PLXNA4: variants seen among roughly 807,000 people sequenced by gnomAD.
The protein encoded by PLXNA4 is plexin-A4.
In PLXNA4, 44 loss-of-function variants were observed where a neutral mutation model predicts 191.8. The observed-to-expected ratio is 0.23, with a 90% CI of 0.18 to 0.29. The LOEUF (loss-of-function observed/expected upper bound fraction) is 0.29. PLXNA4 is among the 10% of genes least tolerant of loss of function. The pLI, the probability that PLXNA4 is intolerant of heterozygous loss-of-function variation, is 1.00. For synonymous variants in PLXNA4, 1,082 were observed against 1,009.5 expected (o/e 1.07, Z -1.36); for missense variants, 1,800 against 2,488.8 (o/e 0.72, Z 5.89).
chr7:132,226,717 G>T (rs548457743), intron 7 of PLXNA4, among the ~76,000 whole-genome samples: 112 of 152,260 alleles, frequency 7.4e-4, no homozygotes, highest in Non-Finnish European at 4.9e-4. Flanking sequence ...CACTTCCTCT[G>T]GGGGGCTCAG....
intron 3 of PLXNA4, among the ~76,000 whole-genome samples, chr7:132,458,867 T>TC (rs2117345291): frequency 6.6e-6 from 1 of 152,222 alleles, no homozygotes; most frequent in South Asian, 2.1e-4. Flanking sequence ...GCCCATCCAC[T>TC]CCCAAGCTGT....
intron 1 of PLXNA4, among the ~76,000 whole-genome samples, chr7:132,563,150 C>T (rs1408817647): frequency 1.2e-5 from 1 of 85,338 alleles, no homozygotes. Flanking sequence ...TCCTCTTCCT[C>T]CTTCTCCTCC....
At chr7:132,434,449 G>A (rs1398415626) in intron 3 of PLXNA4, among the ~76,000 whole-genome samples, 1 of 152,196 alleles carries the variant, frequency 6.6e-6, no homozygotes, top group African/African-American at 2.4e-5. Flanking sequence ...TCTCCCTGAT[G>A]TTTAGCAAAA....
At chr7:132,371,361 C>T (rs1303549143) in intron 3 of PLXNA4, among the ~76,000 whole-genome samples, 2 of 152,128 alleles carry the variant, frequency 1.3e-5, no homozygotes, top group Non-Finnish European at 2.9e-5. Context: ...AGAAAGTGGC[C>T]CACCATCCTC....
At chr7:132,286,258 G>A (rs753830131) in intron 4 of PLXNA4, among the ~76,000 whole-genome samples, 2 of 152,130 alleles carry the variant, frequency 1.3e-5, no homozygotes, top group Non-Finnish European at 2.9e-5. Flanking sequence ...TGCAGTGGGC[G>A]CTTACTAAAC....
chr7:132,354,219 C>A (rs997512615), intron 3 of PLXNA4, among the ~76,000 whole-genome samples: 1 of 152,146 alleles, frequency 6.6e-6, no homozygotes, highest in African/African-American at 2.4e-5. Flanking sequence ...GCACTGCACA[C>A]TGAGCCTGTG....
chr7:132,134,561 G>A (rs761677359), intron 30 of PLXNA4, among the ~76,000 whole-genome samples: 50 of 152,228 alleles, frequency 3.3e-4, no homozygotes, highest in Admixed American at 8.5e-4. Context: ...GAGGGAGGGA[G>A]ATGACAGCTG....
At chr7:132,260,587 G>T (rs979305283) in intron 4 of PLXNA4, among the ~76,000 whole-genome samples, 1 of 151,906 alleles carries the variant, frequency 6.6e-6, no homozygotes, top group Non-Finnish European at 1.5e-5. Flanking sequence ...CCTGGGTGGT[G>T]GGATCATTTG....
intron 3 of PLXNA4, among the ~76,000 whole-genome samples, chr7:132,395,597 G>A (rs1231875544): frequency 6.6e-6 from 1 of 152,238 alleles, no homozygotes; most frequent in African/African-American, 2.4e-5. Flanking sequence ...GGCAGAACCA[G>A]GGGGAAGCAG....
intron 14 of PLXNA4, among the ~76,000 whole-genome samples, chr7:132,190,898 G>A (rs1328300411): frequency 1.3e-5 from 2 of 152,226 alleles, no homozygotes; most frequent in African/African-American, 2.4e-5. Context: ...GCGGTGTGAT[G>A]CAGTCAGATG....
At chr7:132,403,728 C>T (rs1193931085) in intron 3 of PLXNA4, among the ~76,000 whole-genome samples, 3 of 152,136 alleles carry the variant, frequency 2.0e-5, no homozygotes, top group Non-Finnish European at 4.4e-5. Flanking sequence ...AGGTTTGTGG[C>T]TTCACTTTGT....
intron 3 of PLXNA4, among the ~76,000 whole-genome samples, chr7:132,356,579 G>A (rs1803715114): frequency 6.6e-6 from 1 of 152,180 alleles, no homozygotes; most frequent in Non-Finnish European, 1.5e-5. Flanking sequence ...CATTTCCCAA[G>A]GCCAGATCTG....
intron 3 of PLXNA4, among the ~76,000 whole-genome samples, chr7:132,486,089 A>G (rs1585206655): frequency 6.6e-6 from 1 of 152,234 alleles, no homozygotes; most frequent in East Asian, 1.9e-4. Context: ...TCATACCGTA[A>G]AGAACTCTGA....
At chr7:132,459,270 A>C (rs1796416170) in intron 3 of PLXNA4, among the ~76,000 whole-genome samples, 1 of 152,210 alleles carries the variant, frequency 6.6e-6, no homozygotes, top group African/African-American at 2.4e-5. Context: ...AAGAAGCAGA[A>C]AGTAAGAACT....
chr7:132,188,655 T>C (rs142071259), intron 14 of PLXNA4, among the ~76,000 whole-genome samples: 24 of 152,170 alleles, frequency 1.6e-4, no homozygotes, highest in African/African-American at 5.5e-4. Context: ...ATCCCAGGTC[T>C]AGTATCCCTG....
chr7:132,184,020 G>T (rs974958528), intron 16 of PLXNA4, among the ~76,000 whole-genome samples: 1 of 152,198 alleles, frequency 6.6e-6, no homozygotes, highest in African/African-American at 2.4e-5. Context: ...ACAAAAGCAG[G>T]TGGCTAGCCA....
intron 1 of PLXNA4, among the ~76,000 whole-genome samples, chr7:132,570,592 GC>G (rs1801935076): frequency 6.6e-6 from 1 of 152,176 alleles, no homozygotes; most frequent in African/African-American, 2.4e-5. Flanking sequence ...CCTTTCAACT[GC>G]CATGGTTTTC....
chr7:132,636,705 C>A (rs961660699), intron 2 of PLXNA4, among the ~76,000 whole-genome samples: 9 of 152,158 alleles, frequency 5.9e-5, no homozygotes, highest in Non-Finnish European at 1.0e-4. Flanking sequence ...ATGCTTCCCC[C>A]ACTGCAGCCC....
chr7:132,537,611 C>A (rs1460284382), intron 1 of PLXNA4, among the ~76,000 whole-genome samples: 4 of 152,176 alleles, frequency 2.6e-5, no homozygotes, highest in Non-Finnish European at 5.9e-5. Flanking sequence ...GCACATGTGC[C>A]TGACCAGACC....
Sources: allele counts gnomAD v4.1 joint callset (sites outside exome capture counted in the v4.1 genomes callset), GRCh38; gene constraint gnomAD v4.1.1; transcripts MANE v1.5; gene names NCBI Gene and HGNC (gene_info 2026-07-23, HGNC 2026-07-21).